Variants in SNRNP35 observed in about 807,000 individuals in gnomAD.
The protein encoded by SNRNP35 is small nuclear ribonucleoprotein U11/U12 subunit 35, also known as U11/U12 small nuclear ribonucleoprotein 35 kDa protein.
SNRNP35 carries 16 observed loss-of-function variants against 24.3 expected under a neutral mutation model. The observed-to-expected ratio is 0.66, with a 90% CI of 0.45 to 1.00. The LOEUF is 1.00. Ranked by LOEUF, SNRNP35 falls within the 50% of genes least tolerant of loss-of-function variation. The probability of loss-of-function intolerance (pLI) is 0.00; values close to 1 mark genes in which losing one functional copy is unlikely to be tolerated. For missense variants in SNRNP35, 292 were observed against 327.2 expected (o/e 0.89, Z 0.83); for synonymous variants, 106 against 124.8 (o/e 0.85, Z 1.00).
chr12:123,463,930 ATTTTTTT>A (rs35927970), intron 1 of SNRNP35, among the ~76,000 whole-genome samples: 5 of 110,522 alleles, frequency 4.5e-5, no homozygotes, highest in Non-Finnish European at 7.3e-5. Flanking sequence ...CGCCTGGCTA[ATTTTTTT>A]TTTTTTTTTT....
chr12:123,462,696 G>T (rs1420266602), intron 1 of SNRNP35, among the ~76,000 whole-genome samples: 2 of 151,938 alleles, frequency 1.3e-5, no homozygotes, highest in Non-Finnish European at 2.9e-5. Context: ...TCACCATGTT[G>T]GCCAGGCTGG....
rs1880877198 is a variant in SNRNP35, at chr12:123,465,204, G to A, written c.-3-334G>A. On this transcript the variant is annotated intron_variant, in intron 1 of 1. Transcript: ENST00000526639. This position sits in a 1 kb window ranked among gnomAD's most constrained non-coding sequence, Gnocchi z 4.2. ...AAAGAGAAGTCTGGTTTTGATCCAC[G>A]TTGCCACATTGTAATGTGTTCATAG... Among the ~76,000 whole-genome samples the A allele has an allele frequency of 6.6e-6, 1 of 152,182 alleles. No individual in the cohort carries two copies. Among genetic ancestry groups the A allele is most frequent in the African/African-American group, 2.4e-5 (1 of 41,438 alleles).
downstream of SNRNP35, among the ~76,000 whole-genome samples, chr12:123,468,372 A>AAG (rs1555263041): frequency 3.4e-5 from 5 of 148,722 alleles, no homozygotes; most frequent in Admixed American, 6.7e-5. Flanking sequence ...AAAAAAAAAA[A>AAG]AAAGAAAAGA....
chr12:123,472,668 GAGA>G, exon 2 of SNRNP35: 1 of 1,598,366 alleles, frequency 6.3e-7, no homozygotes, highest in Non-Finnish European at 8.5e-7. Context: ...CTTATCTCGG[GAGA>G]AGAAGCTAAA....
exon 2 of SNRNP35, chr12:123,472,409 G>T: frequency 1.0e-6 from 1 of 957,608 alleles, no homozygotes; most frequent in Non-Finnish European, 1.5e-6. Context: ...CAGACAGTCT[G>T]TTTGAGGGGT....
At chr12:123,464,903 G>A (rs901140504) in intron 1 of SNRNP35, 6 of 152,138 alleles carry the variant, frequency 3.9e-5, no homozygotes, top group African/African-American at 1.4e-4. Context: ...TTCTCTTGTA[G>A]TTTTAAAAAA....
At chr12:123,460,974 T>C (rs561972614) in intron 1 of SNRNP35, among the ~76,000 whole-genome samples, 137 of 148,662 alleles carry the variant, frequency 9.2e-4, no homozygotes, top group Non-Finnish European at 1.7e-3. Context: ...TTTTTTTTTT[T>C]TTTTTTTTAA....
chr12:123,471,632 C>T (rs1419446690), downstream of SNRNP35: 1 of 152,344 alleles, frequency 6.6e-6, no homozygotes, highest in Non-Finnish European at 1.5e-5. Context: ...AGCTTCCCAC[C>T]TAGCACCCTT....
intron 1 of SNRNP35, 81 bp downstream of exon 1, chr12:123,458,297 G>C: frequency 1.1e-6 from 1 of 908,344 alleles, no homozygotes; most frequent in Non-Finnish European, 1.3e-6. Context: ...CTGTGCCCGC[G>C]CTTGTGTGGG....
chr12:123,468,150 G>A (rs191112337), downstream of SNRNP35, among the ~76,000 whole-genome samples: 254 of 150,204 alleles, frequency 1.7e-3, 2 homozygotes, highest in Admixed American at 6.2e-3. Flanking sequence ...CCTGAGGACA[G>A]GAGTTCGAGA....
In SNRNP35 at chr12:123,465,628, G is replaced by A. The variant is rs369294943; in HGVS notation, c.88G>A (p.Ala30Thr). The change falls in exon 2 of 2, where the codon GCG becomes ACG. Residue 30 changes from alanine (A) to threonine (T), a missense_variant. Transcript: ENST00000526639. This position sits in a 1 kb window ranked among gnomAD's most constrained non-coding sequence, Gnocchi z 4.2. Reference sequence around the variant, plus strand: ...CACCGATGAAGACCCACACGACCGCGCGGTCTGGAGGGCAATGCTGGCACG... The same window carrying A: ...CACCGATGAAGACCCACACGACCGCACGGTCTGGAGGGCAATGCTGGCACG... ...DGTDEDPHDR[A>T]VWRAMLARYV... is the part of the protein sequence containing the mutation. 13 of 1,612,944 alleles carry A rather than the reference G, an allele frequency of 8.1e-6. No homozygotes were observed. Among genetic ancestry groups the A allele is most frequent in the African/African-American group, 6.7e-5 (5 of 74,892 alleles).
chr12:123,462,857 A>G (rs1429553549), intron 1 of SNRNP35, among the ~76,000 whole-genome samples: 4 of 151,970 alleles, frequency 2.6e-5, no homozygotes, highest in Non-Finnish European at 5.9e-5. Context: ...TGGCTTTTTT[A>G]CTGAGGAAAG....
intron 1 of SNRNP35, chr12:123,459,155 C>G (rs1435422126): frequency 1.3e-5 from 2 of 151,960 alleles, no homozygotes; most frequent in Non-Finnish European, 1.5e-5. Context: ...CCAGGCTGGT[C>G]TCGAATTTCT....
At chr12:123,472,686 T>C (rs1296803035) in exon 2 of SNRNP35, 2 of 1,593,850 alleles carry the variant, frequency 1.3e-6, no homozygotes, top group Admixed American at 1.8e-5. Context: ...GCTAAACCTT[T>C]GGAAGGGAAA....
downstream of SNRNP35, among the ~76,000 whole-genome samples, chr12:123,467,798 A>G (rs1424318080): frequency 6.6e-6 from 1 of 152,164 alleles, no homozygotes; most frequent in Admixed American, 6.5e-5. Flanking sequence ...TCCTTTGTGA[A>G]TTTCCAGTAC....
rs1322130575 is a variant in SNRNP35 at position 123,466,527 on chromosome 12, A to C, written c.*246A>C. The C allele has an allele frequency of 2.6e-6, 1 of 381,224 alleles. No homozygotes were observed. The highest frequency in any genetic ancestry group is 2.1e-5 in the African/African-American group (1 of 47,890). 23.6% of individuals were successfully genotyped at this position (381,224 alleles called of 1,614,324 possible). On this transcript the variant is annotated 3_prime_UTR_variant, in exon 2 of 2. Transcript: ENST00000526639. Reference sequence around the variant, plus strand: ...CAATTTTGTAGTTACTGGCATCTGTACAGAAGGGCATTTTCTTTTCTTTTC... The same window carrying C: ...CAATTTTGTAGTTACTGGCATCTGTCCAGAAGGGCATTTTCTTTTCTTTTC...
chr12:123,467,296 TCTGA>T (rs913029447), downstream of SNRNP35, among the ~76,000 whole-genome samples: 6 of 152,272 alleles, frequency 3.9e-5, no homozygotes, highest in Non-Finnish European at 5.9e-5. Flanking sequence ...TTCTTCTTTT[TCTGA>T]CTGACATTTA....
chr12:123,466,384 A>C lies in SNRNP35; in HGVS notation c.*103A>C. 6 of 1,222,100 alleles carry C rather than the reference A, an allele frequency of 4.9e-6. No homozygotes were observed. In the South Asian group the frequency reaches 1.1e-4, roughly 22 times the overall value. The allele number at this position is 1,222,100 out of a possible 1,614,324, so 75.7% of individuals were successfully genotyped here. A position where few individuals can be genotyped will look rare whatever the true frequency, so the allele number is the denominator to read the frequency against. On this transcript the variant is annotated 3_prime_UTR_variant, in exon 2 of 2. Coordinates refer to ENST00000526639, the MANE Select transcript of SNRNP35 (RefSeq NM_022717.4). ...TCTAATGGTTGAATAAAACTTACTGATGATCATGGGGTTTGGAATAGTTTT... is the reference window on the plus strand; with the variant it reads ...TCTAATGGTTGAATAAAACTTACTGCTGATCATGGGGTTTGGAATAGTTTT...
intron 1 of SNRNP35, among the ~76,000 whole-genome samples, chr12:123,463,082 A>T (rs1880724369): frequency 6.6e-6 from 1 of 152,090 alleles, no homozygotes; most frequent in African/African-American, 2.4e-5. Flanking sequence ...TTGTTTTGAG[A>T]CAGGGTCTCA....
Sources: allele counts gnomAD v4.1 joint callset (sites outside exome capture counted in the v4.1 genomes callset), GRCh38; gene constraint gnomAD v4.1.1; non-coding constraint Gnocchi (gnomAD v3.1); transcripts MANE v1.5; gene names NCBI Gene and HGNC (gene_info 2026-07-23, HGNC 2026-07-21).